Variants in RANBP10 observed in about 807,000 individuals in gnomAD.
The protein encoded by RANBP10 is ran-binding protein 10.
In RANBP10, 24 loss-of-function variants were observed where a neutral mutation model predicts 72.8. That is an observed-to-expected ratio of 0.33 (90% confidence interval 0.24 to 0.46). The LOEUF (loss-of-function observed/expected upper bound fraction) is 0.46. Among genes scored for constraint, RANBP10 ranks in the 20% least tolerant of loss-of-function variants. The pLI is 1.00. For missense variants in RANBP10, 679 were observed against 817.5 expected (o/e 0.83, Z 2.07); for synonymous variants, 310 against 322.3 (o/e 0.96, Z 0.41).
In RANBP10 at chr16:67,725,555, G is replaced by A. The variant is rs1366956489; in HGVS notation, c.*873C>T. The A allele has an allele frequency of 6.6e-6, 1 of 152,630 alleles. No homozygotes were observed. The highest frequency in any genetic ancestry group is 2.4e-5 in the African/African-American group (1 of 41,456). The allele number at this position is 152,630 out of a possible 1,614,324, so 9.5% of individuals were successfully genotyped here. On this transcript the variant is annotated 3_prime_UTR_variant, in exon 14 of 14. Transcript: ENST00000317506. ...TTGAAAAGGGAGGAAAGGGGAGCAAGGCAGGCAGTGGGAGGTGGGGTAGAG... is the reference window on the plus strand; with the variant it reads ...TTGAAAAGGGAGGAAAGGGGAGCAAAGCAGGCAGTGGGAGGTGGGGTAGAG...
At chr16:67,803,311 A>G (rs1430776019) in intron 2 of RANBP10, among the ~76,000 whole-genome samples, 4 of 152,006 alleles carry the variant, frequency 2.6e-5, no homozygotes, top group Admixed American at 2.6e-4. Flanking sequence ...GAGGATCACT[A>G]GAGACCAGCC....
At chr16:67,802,703 T>G (rs2055258905) in intron 2 of RANBP10, among the ~76,000 whole-genome samples, 1 of 152,192 alleles carries the variant, frequency 6.6e-6, no homozygotes, top group African/African-American at 2.4e-5. Flanking sequence ...GTTTACCACA[T>G]GTAAAATGCT....
chr16:67,736,399 G>A (rs1020579707), intron 5 of RANBP10, among the ~76,000 whole-genome samples: 14 of 152,192 alleles, frequency 9.2e-5, no homozygotes, highest in African/African-American at 3.4e-4. Context: ...AACCTCAGGT[G>A]ATCTGCCCAC....
chr16:67,738,003 T>A lies in RANBP10; in HGVS notation c.591+10A>T, dbSNP rs762907716. The A allele has an allele frequency of 4.4e-6, 7 of 1,586,266 alleles. No homozygotes were observed. Among genetic ancestry groups the A allele is most frequent in the Non-Finnish European group, 6.0e-6 (7 of 1,164,932 alleles). Reference sequence around the variant, plus strand: ...AACCCAGGAGGGGAAGACTCAATAGTAGTACTCACCGGGAGGTCTGTGAAG... The same window carrying A: ...AACCCAGGAGGGGAAGACTCAATAGAAGTACTCACCGGGAGGTCTGTGAAG... On this transcript the variant is annotated intron_variant, in intron 5 of 13. Transcript: ENST00000317506.
At chr16:67,741,570 T>G (rs1186845848) in intron 4 of RANBP10, among the ~76,000 whole-genome samples, 1 of 151,884 alleles carries the variant, frequency 6.6e-6, no homozygotes, top group Admixed American at 6.6e-5. Flanking sequence ...AAGCACAGAG[T>G]TGTGTGGAAA....
chr16:67,749,177 T>A (rs1176014473), intron 3 of RANBP10, among the ~76,000 whole-genome samples: 1 of 151,766 alleles, frequency 6.6e-6, no homozygotes, highest in Non-Finnish European at 1.5e-5. Flanking sequence ...ACTGGAGAGG[T>A]GACACAGCCC....
intron 12 of RANBP10, 54 bp downstream of exon 12, chr16:67,727,697 T>G: frequency 6.2e-7 from 1 of 1,611,768 alleles, no homozygotes; most frequent in Non-Finnish European, 8.5e-7. Context: ...AGAGCCACCC[T>G]GCCCCCAACA....
At chr16:67,733,581 G>A (rs1046056497) in intron 6 of RANBP10, among the ~76,000 whole-genome samples, 2 of 152,178 alleles carry the variant, frequency 1.3e-5, no homozygotes, top group South Asian at 4.1e-4. Flanking sequence ...ATTAAATGAA[G>A]TTATGTAAAA....
chr16:67,755,639 G>A (rs1348609284), intron 3 of RANBP10, among the ~76,000 whole-genome samples: 6 of 146,818 alleles, frequency 4.1e-5, no homozygotes, highest in Admixed American at 1.4e-4. Context: ...AGCTAAGATC[G>A]CGCCACTGCA....
At chr16:67,775,665 C>T (rs187030631) in intron 2 of RANBP10, among the ~76,000 whole-genome samples, 48 of 151,760 alleles carry the variant, frequency 3.2e-4, no homozygotes, top group Non-Finnish European at 5.3e-4. Flanking sequence ...ATTAGGTGGG[C>T]ATGGTGAAGT....
At chr16:67,803,379 G>C (rs1303786439) in intron 2 of RANBP10, among the ~76,000 whole-genome samples, 1 of 151,888 alleles carries the variant, frequency 6.6e-6, no homozygotes, top group African/African-American at 2.4e-5. Context: ...GGCTGGGTGC[G>C]GTGGCCCACA....
At chr16:67,759,738 T>C (rs929778704) in intron 3 of RANBP10, 17 of 152,242 alleles carry the variant, frequency 1.1e-4, no homozygotes, top group Non-Finnish European at 2.2e-4. Context: ...CCAGGCTATA[T>C]GGAACAGGAA....
intron 2 of RANBP10, among the ~76,000 whole-genome samples, chr16:67,783,631 C>T (rs1458021354): frequency 2.0e-5 from 3 of 152,162 alleles, no homozygotes; most frequent in Non-Finnish European, 4.4e-5. Flanking sequence ...AGCTCCTTCC[C>T]AGCTTTGACC....
chr16:67,765,398 T>C (rs2054482337), intron 3 of RANBP10, among the ~76,000 whole-genome samples: 2 of 151,676 alleles, frequency 1.3e-5, no homozygotes, highest in African/African-American at 4.8e-5. Flanking sequence ...TGGTGGTGCG[T>C]GCTTGTAATC....
intron 3 of RANBP10, among the ~76,000 whole-genome samples, chr16:67,771,725 C>T (rs1003570423): frequency 6.6e-6 from 1 of 152,216 alleles, no homozygotes; most frequent in Non-Finnish European, 1.5e-5. Context: ...CCTGAGTCTG[C>T]TCAGCAAGGC....
intron 3 of RANBP10, 50 bp from the exon 4 acceptor site, chr16:67,744,505 C>A: frequency 6.5e-7 from 1 of 1,534,708 alleles, no homozygotes. Context: ...GAGGGAGGAA[C>A]AAGACAAGTC....
At chr16:67,768,061 T>C (rs971208809) in intron 3 of RANBP10, among the ~76,000 whole-genome samples, 12 of 146,040 alleles carry the variant, frequency 8.2e-5, no homozygotes, top group Non-Finnish European at 1.5e-4. Flanking sequence ...CAAGACCTTG[T>C]CTCAAAAAAA....
chr16:67,802,016 G>T (rs149919634), intron 2 of RANBP10, among the ~76,000 whole-genome samples: 2 of 151,318 alleles, frequency 1.3e-5, no homozygotes, highest in Non-Finnish European at 2.9e-5. Context: ...GATTGACTGA[G>T]CCCAGGAAGT....
intron 5 of RANBP10, 98 bp from the exon 6 acceptor site, chr16:67,735,140 G>T (rs2053817739): frequency 1.6e-6 from 2 of 1,241,506 alleles, no homozygotes; most frequent in Non-Finnish European, 2.2e-6. Flanking sequence ...TGCTTGGGCT[G>T]GGAGAGTTGC....
Sources: allele counts gnomAD v4.1 joint callset (sites outside exome capture counted in the v4.1 genomes callset), GRCh38; gene constraint gnomAD v4.1.1; transcripts MANE v1.5; gene names NCBI Gene and HGNC (gene_info 2026-07-23, HGNC 2026-07-21).